TRERF1: variants seen among roughly 807,000 people sequenced by gnomAD.
TRERF1 encodes transcriptional-regulating factor 1.
A neutral mutation model predicts 122.9 loss-of-function variants in TRERF1; 27 were observed. The ratio of observed to expected loss-of-function variants is 0.22; its 90% CI spans 0.16 to 0.30. The LOEUF (loss-of-function observed/expected upper bound fraction) is 0.30. Ranked by LOEUF, TRERF1 falls within the 10% of genes least tolerant of loss-of-function variation. TRERF1 has a pLI of 1.00. For missense variants in TRERF1, 1,248 were observed against 1,560.3 expected (o/e 0.80, Z 3.37); for synonymous variants, 636 against 641.7 (o/e 0.99, Z 0.13).
At chr6:42,330,164 C>T (rs200870616) in intron 3 of TRERF1, among the ~76,000 whole-genome samples, 2 of 151,846 alleles carry the variant, frequency 1.3e-5, no homozygotes. Flanking sequence ...GGGTTATAGG[C>T]AAGCCACAAG....
At chr6:42,258,760 G>A (rs1162118130) in intron 9 of TRERF1, among the ~76,000 whole-genome samples, 1 of 151,802 alleles carries the variant, frequency 6.6e-6, no homozygotes, top group Non-Finnish European at 1.5e-5. Context: ...TTGAGACGGA[G>A]TTTCACTCTC....
rs148726790 is a variant in TRERF1 at position 42,373,047 on chromosome 6, T to C, written c.-453-9968A>G. Among the ~76,000 whole-genome samples, 38 of 152,378 alleles carry C rather than the reference T, an allele frequency of 2.5e-4. No homozygotes were observed. In the East Asian group the frequency reaches 6.9e-3, roughly 28 times the overall value. On this transcript the variant is annotated intron_variant, in intron 2 of 17. Transcript: ENST00000372922. ...ACAAGGATAATCAGGGTACCCATGC[T>C]ATGGTTGTTGTAAAGATTTAATGAG...
chr6:42,301,912 G>A (rs1212784149), intron 3 of TRERF1, among the ~76,000 whole-genome samples: 1 of 152,236 alleles, frequency 6.6e-6, no homozygotes, highest in Non-Finnish European at 1.5e-5. Flanking sequence ...TAAAAAGTTA[G>A]TTCAGAGAGT....
At chr6:42,315,799 G>A (rs1317879410) in intron 3 of TRERF1, among the ~76,000 whole-genome samples, 2 of 150,292 alleles carry the variant, frequency 1.3e-5, no homozygotes, top group African/African-American at 4.9e-5. Flanking sequence ...GGAAGGCACA[G>A]GTTGGGACCA....
intron 4 of TRERF1, among the ~76,000 whole-genome samples, chr6:42,286,494 C>T (rs1440115075): frequency 2.2e-4 from 32 of 143,272 alleles, no homozygotes; most frequent in African/African-American, 8.1e-4. Context: ...CATGAACAGA[C>T]ACTTCTCAAA....
At chr6:42,249,807 T>C (rs891760228) in intron 13 of TRERF1, among the ~76,000 whole-genome samples, 35 of 152,142 alleles carry the variant, frequency 2.3e-4, no homozygotes, top group African/African-American at 8.0e-4. Flanking sequence ...GTGCATGTGT[T>C]AGTGTCTGCT....
At chr6:42,336,232 CAT>C (rs1581659755) in intron 3 of TRERF1, among the ~76,000 whole-genome samples, 1 of 152,180 alleles carries the variant, frequency 6.6e-6, no homozygotes, top group Non-Finnish European at 1.5e-5. Context: ...TGGAAGAACA[CAT>C]GAGAGGGAAG....
At chr6:42,450,032 C>T (rs911435055) in intron 2 of TRERF1, among the ~76,000 whole-genome samples, 2 of 152,234 alleles carry the variant, frequency 1.3e-5, no homozygotes, top group Admixed American at 6.5e-5. Context: ...CCAGCATCAT[C>T]AAGGTAGCTG....
intron 2 of TRERF1, among the ~76,000 whole-genome samples, chr6:42,447,313 A>T (rs759409748): frequency 7.9e-5 from 12 of 152,164 alleles, no homozygotes; most frequent in Non-Finnish European, 1.6e-4. Flanking sequence ...TTTAGCCCAG[A>T]AGAAAAGATT....
At chr6:42,403,553 C>T (rs1029429535) in intron 2 of TRERF1, among the ~76,000 whole-genome samples, 9 of 152,152 alleles carry the variant, frequency 5.9e-5, no homozygotes, top group African/African-American at 1.9e-4. Context: ...CTGGACGGAA[C>T]CAACCTTGCC....
At chr6:42,414,671 A>C (rs1292109636) in intron 2 of TRERF1, among the ~76,000 whole-genome samples, 7 of 152,252 alleles carry the variant, frequency 4.6e-5, no homozygotes, top group Non-Finnish European at 1.0e-4. Context: ...ACAAAACTGA[A>C]ACAAAAGCTC....
chr6:42,255,964 C>G (rs1776666358), intron 12 of TRERF1, among the ~76,000 whole-genome samples: 1 of 151,870 alleles, frequency 6.6e-6, no homozygotes, highest in African/African-American at 2.4e-5. Flanking sequence ...AACCCCATCT[C>G]TACTGAAAAT....
At position 42,228,676 on chromosome 6, in the gene TRERF1, A is replaced by T. The variant is rs764389370; in HGVS notation, c.3279-7T>A. On this transcript the variant is annotated splice_region_variant and splice_polypyrimidine_tract_variant and intron_variant, in intron 17 of 17. Transcript: ENST00000372922. The surrounding 1 kb of genome is among the most constrained non-coding windows in gnomAD (Gnocchi z 4.2). ...TTTGATCTTGAAGAAGACTCTAAAA[A>T]TAAAGAAAGAGAGGTGTGTAGAATT... 10 of 1,584,246 alleles carry T rather than the reference A, an allele frequency of 6.3e-6. No individual in the cohort carries two copies. The highest frequency in any genetic ancestry group is 8.6e-6 in the Non-Finnish European group (10 of 1,167,386).
At chr6:42,250,249 G>T (rs967401322) in intron 13 of TRERF1, among the ~76,000 whole-genome samples, 1 of 152,162 alleles carries the variant, frequency 6.6e-6, no homozygotes. Context: ...TCAGCCCAGG[G>T]CTATGAGACG....
intron 3 of TRERF1, among the ~76,000 whole-genome samples, chr6:42,362,539 G>A (rs1308634824): frequency 6.6e-6 from 1 of 152,240 alleles, no homozygotes; most frequent in East Asian, 1.9e-4. Flanking sequence ...GACAAACTGA[G>A]AATGGAAGGG....
chr6:42,238,959 C>G (rs1047703463), intron 15 of TRERF1, among the ~76,000 whole-genome samples: 1 of 152,118 alleles, frequency 6.6e-6, no homozygotes, highest in African/African-American at 2.4e-5. Context: ...CAAGGTCACA[C>G]AGCTGGTAAA....
At chr6:42,284,951 T>G (rs1782919066) in intron 4 of TRERF1, among the ~76,000 whole-genome samples, 1 of 152,176 alleles carries the variant, frequency 6.6e-6, no homozygotes, top group Non-Finnish European at 1.5e-5. Flanking sequence ...GAAAACATTT[T>G]CTGAAGTAAG....
chr6:42,248,795 G>A (rs192082844), intron 13 of TRERF1, among the ~76,000 whole-genome samples: 16 of 152,288 alleles, frequency 1.1e-4, no homozygotes, highest in Admixed American at 9.8e-4. Flanking sequence ...GGGGGCTGGG[G>A]GTTTGGAGAA....
chr6:42,413,153 T>C (rs1781361206), intron 2 of TRERF1, among the ~76,000 whole-genome samples: 2 of 152,106 alleles, frequency 1.3e-5, no homozygotes, highest in African/African-American at 4.8e-5. Context: ...ATTAGGTGGG[T>C]CAGGGCATCT....
Sources: gnomAD v4.1 joint callset for allele counts (sites outside exome capture counted in the v4.1 genomes callset) on GRCh38, gnomAD v4.1.1 for gene constraint, Gnocchi (gnomAD v3.1) non-coding constraint, MANE v1.5 for transcripts, NCBI Gene and HGNC (gene_info 2026-07-23, HGNC 2026-07-21) for gene names.